ZNHIT1: variants seen among roughly 807,000 people sequenced by gnomAD.
The protein encoded by ZNHIT1 is zinc finger HIT-type containing 1.
A neutral mutation model predicts 21.4 loss-of-function variants in ZNHIT1; 20 were observed. The observed-to-expected ratio is 0.93, with a 90% CI of 0.66 to 1.36. The LOEUF is 1.36. Ranked by LOEUF, ZNHIT1 falls within the 40% of genes most tolerant of loss-of-function variation. The pLI, the probability that ZNHIT1 is intolerant of heterozygous loss-of-function variation, is 0.00. For synonymous variants in ZNHIT1, 79 were observed against 84.0 expected (o/e 0.94, Z 0.32); for missense variants, 170 against 213.5 (o/e 0.80, Z 1.27).
chr7:101,223,217 C>T (rs1444847463), intron 2 of ZNHIT1, among the ~76,000 whole-genome samples: 2 of 152,090 alleles, frequency 1.3e-5, no homozygotes, highest in Non-Finnish European at 1.5e-5. Flanking sequence ...ACTAAAAATA[C>T]AAAAACAAAA....
At chr7:101,222,398 A>C in intron 1 of ZNHIT1, 1 of 538,232 alleles carries the variant, frequency 1.9e-6, no homozygotes, top group South Asian at 3.0e-5. Context: ...GGCAGGAGAA[A>C]CTGAAAGGGT....
In ZNHIT1 at chr7:101,222,667, A is replaced by G. The variant is rs1380309181; in HGVS notation, c.86A>G (p.Asn29Ser). 64 of 1,614,002 alleles carry G rather than the reference A, an allele frequency of 4.0e-5. No homozygotes were observed. In the Middle Eastern group the frequency reaches 6.6e-4, roughly 17 times the overall value. ...CGGGCTGCCCGGCAGCGTCGCATCA[A>G]CCGGCAGCTGGAGGCCCTGGAGAAT... ...LDRAARQRRI[N>S]RQLEALENDN... Residue 29 changes from asparagine (N) to serine (S), a missense_variant, in exon 2 of 5, where the codon AAC becomes AGC. By Grantham distance (46) the Asn-to-Ser change is conservative. Transcript: ENST00000305105.
At position 101,223,557 on chromosome 7, in the gene ZNHIT1, G is replaced by C. The variant is rs1208777170; in HGVS notation, c.273+1G>C. The C allele has an allele frequency of 2.5e-6, 4 of 1,614,214 alleles. No homozygotes were observed. Among genetic ancestry groups the C allele is most frequent in the Non-Finnish European group, 2.5e-6 (3 of 1,180,026 alleles). On this transcript the variant is annotated splice_donor_variant, in intron 3 of 4. Transcript: ENST00000305105. LOFTEE classifies it high-confidence loss of function. ...CTTTCAGGCCCTGTTGGAGGAGCAGGTGAGAGGAGGGTCGGCCTGGGAGGA... is the reference window on the plus strand; with the variant it reads ...CTTTCAGGCCCTGTTGGAGGAGCAGCTGAGAGGAGGGTCGGCCTGGGAGGA...
At chr7:101,221,042 A>G (rs1798361713) in intron 1 of ZNHIT1, 1 of 152,188 alleles carries the variant, frequency 6.6e-6, no homozygotes, top group African/African-American at 2.4e-5. Flanking sequence ...GTGAGCCACT[A>G]TGTCCAGCCG....
At position 101,223,519 on chromosome 7, in the gene ZNHIT1, G is replaced by A. The variant is rs762997345; in HGVS notation, c.236G>A (p.Arg79His). 1.2e-6 allele frequency: 2 copies of A among 1,614,182 alleles called. No homozygotes were observed. The highest frequency in any genetic ancestry group is 8.5e-7 in the Non-Finnish European group (1 of 1,180,016). The change falls in exon 3 of 5, where the codon CGC becomes CAC. Residue 79 changes from arginine (R) to histidine (H), a missense_variant. By Grantham distance (29) the Arg-to-His change is conservative. Transcript: ENST00000305105. ...ACCCGAGGTGATCATTTTAAACTTC[G>A]CTTCCGAAAAAACTTTCAGGCCCTG... is the stretch of plus-strand genomic sequence containing the variant. ...KKTRGDHFKL[R>H]FRKNFQALLE...
In ZNHIT1 at chr7:101,222,762, G is replaced by A. The variant is rs568823874; in HGVS notation, c.181G>A (p.Asp61Asn). The change falls in exon 2 of 5, where the codon GAT becomes AAT. Residue 61 changes from aspartate to asparagine, a missense_variant. By Grantham distance (23) the Asp-to-Asn change is conservative (BLOSUM62 1). Transcript: ENST00000305105. The part of the protein sequence containing the change: ...LGKRLPQFDD[D>N]ADTGKKKKKT... ...CAAGAGACTGCCTCAGTTTGATGAC[G>A]ATGCGGACACTGGTGAGGCGGATGG... 4.3e-6 allele frequency: 7 copies of A among 1,613,750 alleles called. No homozygotes were observed. The highest frequency in any genetic ancestry group is 5.1e-6 in the Non-Finnish European group (6 of 1,179,816).
Position 101,223,839 on chromosome 7 carries a change from C to T in ZNHIT1, c.440C>T (p.Thr147Ile), listed in dbSNP as rs1264270415. The change falls in exon 4 of 5, where the codon ACC (threonine) becomes ATC (isoleucine). Residue 147 changes from threonine to isoleucine, a missense_variant. By Grantham distance (89) the Thr-to-Ile change is moderately conservative. Transcript: ENST00000305105. The part of the protein sequence containing the change: ...TVRCLGTHQE[T>I]RCLKWTV ...CGCTGTCTGGGGACCCACCAGGAGA[C>T]CAGGTGAGCATGAGACCTGCTGTCC... is the stretch of plus-strand genomic sequence containing the variant. 1.2e-6 allele frequency: 2 copies of T among 1,613,976 alleles called. No individual in the cohort carries two copies. The highest frequency in any genetic ancestry group is 1.3e-5 in the African/African-American group (1 of 74,918).
At chr7:101,219,429 CTTTT>C (rs910929226) in intron 1 of ZNHIT1, 4 of 139,466 alleles carry the variant, frequency 2.9e-5, no homozygotes, top group African/African-American at 1.1e-4. Flanking sequence ...TTCTTTCTTT[CTTTT>C]TTTTTCTTTT....
At position 101,222,657 on chromosome 7, in the gene ZNHIT1, C is replaced by T. The variant is rs1190946883; in HGVS notation, c.76C>T (p.Arg26Cys). ...GGTGCTGGACCGGGCTGCCCGGCAGCGTCGCATCAACCGGCAGCTGGAGGC... is the reference window on the plus strand; with the variant it reads ...GGTGCTGGACCGGGCTGCCCGGCAGTGTCGCATCAACCGGCAGCTGGAGGC... ...RRVLDRAARQRRINRQLEALE... is the reference protein window; with the variant it reads ...RRVLDRAARQCRINRQLEALE... The change falls in exon 2 of 5, where the codon CGT becomes TGT. Residue 26 changes from arginine to cysteine, a missense_variant. Transcript: ENST00000305105. 5.0e-6 allele frequency: 8 copies of T among 1,614,034 alleles called. No individual in the cohort carries two copies. The highest frequency in any genetic ancestry group is 2.2e-5 in the East Asian group (1 of 44,884).
chr7:101,223,169 C>A (rs927162603), intron 2 of ZNHIT1, among the ~76,000 whole-genome samples: 1 of 152,084 alleles, frequency 6.6e-6, no homozygotes, highest in African/African-American at 2.4e-5. Flanking sequence ...GTCAGGAGTT[C>A]AAGACCAGCC....
Position 101,223,660 on chromosome 7 carries a change from C to T in ZNHIT1, c.274-13C>T, listed in dbSNP as rs1466436169. On this transcript the variant is annotated splice_polypyrimidine_tract_variant and intron_variant, in intron 3 of 4. Coordinates refer to ENST00000305105, the MANE Select transcript of ZNHIT1 (RefSeq NM_006349.3). The stretch of plus-strand genomic sequence containing the variant: ...GGCGGAGGAGTTCTAGAGCCGGCCC[C>T]TTGTCTCTGCAGAACTTGAGTGTGG... 5 of 1,611,106 alleles carry T rather than the reference C, an allele frequency of 3.1e-6. No homozygotes were observed. The African/African-American group carries it at 4.0e-5, about 13-fold the overall frequency.
chr7:101,223,630 G>A, intron 3 of ZNHIT1, 43 bp from the exon 4 acceptor site: 1 of 1,613,304 alleles, frequency 6.2e-7, no homozygotes, highest in Non-Finnish European at 8.5e-7. Context: ...TTCGCTGCGT[G>A]GGTGGGCGGA....
intron 1 of ZNHIT1, chr7:101,218,554 G>A (rs757335188): frequency 3.1e-6 from 1 of 325,784 alleles, no homozygotes. Flanking sequence ...GGGATTACAG[G>A]CGTGAGCTGC....
Position 101,224,072 on chromosome 7 carries a change from C to T in ZNHIT1, c.*114C>T. On this transcript the variant is annotated 3_prime_UTR_variant, in exon 5 of 5. Transcript: ENST00000305105. ...TTCCTGGACCAAGGGAGGAGCCGCT[C>T]ATTCACCCAACAAAACTGTGTCTTA... 2 of 1,504,486 alleles carry T rather than the reference C, an allele frequency of 1.3e-6. No homozygotes were observed. Among genetic ancestry groups the T allele is most frequent in the East Asian group, 2.3e-5 (1 of 44,360 alleles). 93.2% of individuals were successfully genotyped at this position (1,504,486 alleles called of 1,614,324 possible). A position where few individuals can be genotyped will look rare whatever the true frequency, so the allele number is the denominator to read the frequency against.
At chr7:101,223,325 C>T in intron 2 of ZNHIT1, 152 bp from the exon 3 acceptor site, 1 of 844,104 alleles carries the variant, frequency 1.2e-6, no homozygotes. Flanking sequence ...TGCAGTGAGT[C>T]AAGATCGCAC....
rs575963280 is a variant in ZNHIT1, at chr7:101,224,187, G to A, written c.*229G>A. ...CTGTTAGAATAAAAAGCCTCGTGCC[G>A]GAAGCCTTCCTGTTTGGTCGTGGTG... On this transcript the variant is annotated 3_prime_UTR_variant, in exon 5 of 5. Transcript: ENST00000305105. The A allele has an allele frequency of 6.4e-5, 41 of 639,364 alleles. No individual in the cohort carries two copies. Among genetic ancestry groups the A allele is most frequent in the African/African-American group, 2.4e-4 (13 of 54,642 alleles). 39.6% of individuals were successfully genotyped at this position (639,364 alleles called of 1,614,324 possible).
chr7:101,224,033 T>A lies in ZNHIT1; in HGVS notation c.*75T>A. The A allele has an allele frequency of 6.2e-7, 1 of 1,607,206 alleles. No homozygotes were observed. Among genetic ancestry groups the A allele is most frequent in the Non-Finnish European group, 8.5e-7 (1 of 1,175,198 alleles). The stretch of plus-strand genomic sequence containing the variant: ...AGAAAGACAGAATTTCATCACCCAA[T>A]GCAGGGGGAGCTCTTCCTGGACCAA... On this transcript the variant is annotated 3_prime_UTR_variant, in exon 5 of 5. Transcript: ENST00000305105.
At position 101,224,181 on chromosome 7, in the gene ZNHIT1, C is replaced by G. The variant is rs1259339266; in HGVS notation, c.*223C>G. On this transcript the variant is annotated 3_prime_UTR_variant, in exon 5 of 5. Transcript: ENST00000305105. ...CCAGTGCTGTTAGAATAAAAAGCCTCGTGCCGGAAGCCTTCCTGTTTGGTC... is the reference window on the plus strand; with the variant it reads ...CCAGTGCTGTTAGAATAAAAAGCCTGGTGCCGGAAGCCTTCCTGTTTGGTC... The G allele has an allele frequency of 3.0e-6, 2 of 658,732 alleles. No homozygotes were observed. The highest frequency in any genetic ancestry group is 5.1e-6 in the Non-Finnish European group (2 of 390,956). The allele number at this position is 658,732 out of a possible 1,614,324, so 40.8% of individuals were successfully genotyped here. A position where few individuals can be genotyped will look rare whatever the true frequency, so the allele number is the denominator to read the frequency against.
At position 101,223,742 on chromosome 7, in the gene ZNHIT1, C is replaced by G. The variant is rs1374594356; in HGVS notation, c.343C>G (p.Pro115Ala). 1.2e-6 allele frequency: 2 copies of G among 1,614,044 alleles called. No individual in the cohort carries two copies. The highest frequency in any genetic ancestry group is 1.7e-6 in the Non-Finnish European group (2 of 1,179,982). ...GGGACCCCCATCGCGGCCCCAGCGC[C>G]CCTTCTGTGCTGTCTGTGGCTTCCC... is the stretch of plus-strand genomic sequence containing the variant. Reference protein sequence around the residue: ...CAGPPSRPQRPFCAVCGFPSP... With the variant: ...CAGPPSRPQRAFCAVCGFPSP... Residue 115 changes from proline to alanine, a missense_variant, in exon 4 of 5, where the codon CCC becomes GCC. Transcript: ENST00000305105.
Sources: allele counts gnomAD v4.1 joint callset (sites outside exome capture counted in the v4.1 genomes callset), GRCh38; gene constraint gnomAD v4.1.1; transcripts MANE v1.5; gene names NCBI Gene and HGNC (gene_info 2026-07-23, HGNC 2026-07-21).